Variants in FERMT1 observed in about 807,000 individuals in gnomAD.
FERMT1 encodes fermitin family homolog 1.
In FERMT1, 60 loss-of-function variants were observed where a neutral mutation model predicts 85.3. The ratio of observed to expected loss-of-function variants is 0.70; its 90% CI spans 0.57 to 0.87. The LOEUF is 0.87. Among genes scored for constraint, FERMT1 ranks in the 40% least tolerant of loss-of-function variants. FERMT1 has a pLI of 0.00. For missense variants in FERMT1, 701 were observed against 818.9 expected, an observed-to-expected ratio of 0.86 and a Z score of 1.76; for synonymous variants, 275 against 301.1, an observed-to-expected ratio of 0.91 and a Z score of 0.90.
Position 6,077,031 on chromosome 20 carries a change from TTGAATGAGGATCTGGGTGACCAGCGG to T in FERMT1, c.*116_*141del, listed in dbSNP as rs1407443886. 1 of 848,950 alleles carries T rather than the reference TTGAATGAGGATCTGGGTGACCAGCGG, an allele frequency of 1.2e-6. No homozygotes were observed. Among genetic ancestry groups the T allele is most frequent in the Non-Finnish European group, 2.0e-6 (1 of 505,156 alleles). 52.6% of individuals were successfully genotyped at this position (848,950 alleles called of 1,614,324 possible). A position where few individuals can be genotyped will look rare whatever the true frequency, so the allele number is the denominator to read the frequency against. On this transcript the variant is annotated 3_prime_UTR_variant, in exon 15 of 15. Transcript: ENST00000217289. ...GGAAAGGGATGTGCCAGCAGTGGGT[TTGAATGAGGATCTGGGTGACCAGCGG>T]TGAATGTATGTTGTCTGTTAGTCCA...
At position 6,077,293 on chromosome 20, in the gene FERMT1, T is replaced by A; in HGVS notation, c.1914A>T (p.Ala638=). ...NVFTAFTCLS[A]DCKIVHEYIG... is the part of the protein sequence containing the mutation. ...TGTACTCGTGCACAATCTTGCAATC[T>A]GCACTCAGGCAGGTGAAAGCAGTAA... The change falls in exon 15 of 15, where the codon GCA becomes GCT. Residue 638 remains alanine (A), a synonymous_variant. Coordinates refer to ENST00000217289, the MANE Select transcript of FERMT1 (RefSeq NM_017671.5). 1 of 1,614,180 alleles carries A rather than the reference T, an allele frequency of 6.2e-7. No individual in the cohort carries two copies. The highest frequency in any genetic ancestry group is 8.5e-7 in the Non-Finnish European group (1 of 1,180,036).
chr20:6,118,544 C>T (rs1260581677), intron 2 of FERMT1, among the ~76,000 whole-genome samples: 1 of 151,848 alleles, frequency 6.6e-6, no homozygotes, highest in African/African-American at 2.4e-5. Context: ...TATTATATGT[C>T]AGTCAATAAG....
intron 9 of FERMT1, among the ~76,000 whole-genome samples, chr20:6,090,027 A>G: frequency 6.6e-6 from 1 of 151,832 alleles, no homozygotes; most frequent in Non-Finnish European, 1.5e-5. Context: ...GAAGAAAGGA[A>G]CCTTGGTGTT....
At chr20:6,093,079 A>C (rs1982409382) in intron 9 of FERMT1, among the ~76,000 whole-genome samples, 1 of 152,072 alleles carries the variant, frequency 6.6e-6, no homozygotes, top group Non-Finnish European at 1.5e-5. Context: ...TTTTTTAAAT[A>C]AAAAAAGAGC....
chr20:6,101,113 A>G (rs576055504), intron 6 of FERMT1, among the ~76,000 whole-genome samples: 96 of 152,354 alleles, frequency 6.3e-4, no homozygotes, highest in Middle Eastern at 3.4e-3. Flanking sequence ...ATCTACCTAC[A>G]TTACAAATAC....
intron 9 of FERMT1, among the ~76,000 whole-genome samples, chr20:6,089,846 G>A (rs1982300362): frequency 6.6e-6 from 1 of 152,200 alleles, no homozygotes; most frequent in South Asian, 2.1e-4. Flanking sequence ...CAGGCCTAAA[G>A]GTTGGGTCAT....
chr20:6,105,461 C>T (rs981006279), intron 6 of FERMT1, among the ~76,000 whole-genome samples: 2 of 152,216 alleles, frequency 1.3e-5, no homozygotes, highest in African/African-American at 4.8e-5. Context: ...ACTTGTCACT[C>T]TGTGACCACC....
rs189363789 is a variant in FERMT1 at position 6,116,512 on chromosome 20, G to A, written c.152-468C>T. ...GGGAGGCTGATGCAAGCGATCACCT[G>A]AGGTCAGGAGTTCGAGACCAGCCCG... is the stretch of plus-strand genomic sequence containing the variant. On this transcript the variant is annotated intron_variant, in intron 2 of 14. Coordinates refer to ENST00000217289, the MANE Select transcript of FERMT1 (RefSeq NM_017671.5). Among the ~76,000 whole-genome samples, 20 of 152,228 alleles carry A rather than the reference G, an allele frequency of 1.3e-4. 1 individual carries two copies. The East Asian group carries it at 3.7e-3, about 28-fold the overall frequency.
At chr20:6,112,754 C>T (rs1336969923) in intron 3 of FERMT1, 131 bp from the exon 4 acceptor site, 1 of 619,198 alleles carries the variant, frequency 1.6e-6, no homozygotes, top group South Asian at 2.5e-5. Flanking sequence ...TAAACTGCAT[C>T]CCTTTTGAAG....
intron 6 of FERMT1, among the ~76,000 whole-genome samples, chr20:6,101,525 A>T (rs1195840731): frequency 6.6e-6 from 1 of 152,246 alleles, no homozygotes; most frequent in Non-Finnish European, 1.5e-5. Flanking sequence ...TATGTTTGTA[A>T]ACATGTCTAA....
rs111382100 is a variant in FERMT1 at position 6,088,870 on chromosome 20, C to T, written c.1264+95G>A. ...AACTCCTGACCTCAGGTGATCCGCC[C>T]GCCTCAGCCTCCCAAAGTGCTGGGA... On this transcript the variant is annotated intron_variant, in intron 10 of 14. Transcript: ENST00000217289. 474 of 1,256,990 alleles carry T rather than the reference C, an allele frequency of 3.8e-4. 2 individuals carry two copies. The African/African-American group carries it at 5.6e-3, about 15-fold the overall frequency. 77.9% of individuals were successfully genotyped at this position (1,256,990 alleles called of 1,614,324 possible). A position where few individuals can be genotyped will look rare whatever the true frequency, so the allele number is the denominator to read the frequency against.
rs1405158250 is a variant in FERMT1, at chr20:6,117,764, C to G, written c.151+1640G>C. Among the ~76,000 whole-genome samples the G allele has an allele frequency of 2.0e-5, 3 of 147,990 alleles. 1 individual carries two copies. Among genetic ancestry groups the G allele is most frequent in the Admixed American group, 2.0e-4 (3 of 14,910 alleles). ...GTTTTACCATGTTGGCCAGGCTGGT[C>G]TTGAACTCCTGACCTCAGGTGATCC... On this transcript the variant is annotated intron_variant, in intron 2 of 14. Coordinates refer to ENST00000217289, the MANE Select transcript of FERMT1 (RefSeq NM_017671.5).
intron 5 of FERMT1, among the ~76,000 whole-genome samples, chr20:6,107,913 T>C (rs1982842960): frequency 6.6e-6 from 1 of 152,216 alleles, no homozygotes. Context: ...TCACCTAGGC[T>C]TTAGTGCAGT....
At chr20:6,093,989 C>G (rs1982434379) in intron 9 of FERMT1, 2 of 152,126 alleles carry the variant, frequency 1.3e-5, no homozygotes, top group Non-Finnish European at 2.9e-5. Flanking sequence ...AAAGAATGAC[C>G]CTATTGTTTG....
chr20:6,089,874 A>G (rs1982301543), intron 9 of FERMT1, among the ~76,000 whole-genome samples: 2 of 152,290 alleles, frequency 1.3e-5, no homozygotes, highest in African/African-American at 4.8e-5. Flanking sequence ...AGGAAACGTG[A>G]GAATGAGCTA....
At chr20:6,083,706 CAAAAA>C (rs35242103) in intron 13 of FERMT1, among the ~76,000 whole-genome samples, 15 of 82,070 alleles carry the variant, frequency 1.8e-4, no homozygotes, top group African/African-American at 4.9e-4. Flanking sequence ...AAAAAAAAAA[CAAAAA>C]AAAAAAAACC....
intron 2 of FERMT1, among the ~76,000 whole-genome samples, chr20:6,117,516 C>A (rs1440253894): frequency 1.3e-5 from 2 of 151,418 alleles, no homozygotes; most frequent in Non-Finnish European, 2.9e-5. Context: ...TCACTGCAAC[C>A]TCTGCCTCCC....
intron 14 of FERMT1, 24 bp from the exon 15 acceptor site, chr20:6,077,370 G>C: frequency 6.2e-7 from 1 of 1,613,372 alleles, no homozygotes; most frequent in Non-Finnish European, 8.5e-7. Flanking sequence ...GCACAGAGAA[G>C]CTTAAACTCT....
At chr20:6,102,679 GAAAAAAA>G (rs769578429) in intron 6 of FERMT1, among the ~76,000 whole-genome samples, 8 of 50,770 alleles carry the variant, frequency 1.6e-4, no homozygotes, top group South Asian at 9.0e-4. Context: ...TGTGTCTCAA[GAAAAAAA>G]AAAAAAAAAA....
Sources: allele counts gnomAD v4.1 joint callset (sites outside exome capture counted in the v4.1 genomes callset), GRCh38; gene constraint gnomAD v4.1.1; transcripts MANE v1.5; gene names NCBI Gene and HGNC (gene_info 2026-07-23, HGNC 2026-07-21).